DDX42: variants seen among roughly 807,000 people sequenced by gnomAD.
The protein encoded by DDX42 is DEAD-box helicase 42, also known as ATP-dependent RNA helicase DDX42.
DDX42 carries 22 observed loss-of-function variants against 101.5 expected under a neutral mutation model. That is an observed-to-expected ratio of 0.22 (90% confidence interval 0.15 to 0.31). The LOEUF (loss-of-function observed/expected upper bound fraction) is 0.31. Ranked by LOEUF, DDX42 falls within the 10% of genes least tolerant of loss-of-function variation. The pLI, the probability that DDX42 is intolerant of heterozygous loss-of-function variation, is 1.00. For synonymous variants in DDX42, 402 were observed against 401.2 expected, an observed-to-expected ratio of 1.00 and a Z score of -0.02; for missense variants, 849 against 1,199.9, an observed-to-expected ratio of 0.71 and a Z score of 4.32.
chr17:63,787,864 G>GAAACATAA (rs975153167), intron 2 of DDX42, among the ~76,000 whole-genome samples: 4 of 149,910 alleles, frequency 2.7e-5, no homozygotes, highest in African/African-American at 9.8e-5. Flanking sequence ...AAAAGCCATT[G>GAAACATAA]AAACATAAAT....
At chr17:63,804,977 G>T (rs1189059342) in intron 6 of DDX42, 94 bp from the exon 7 acceptor site, 6 of 1,452,886 alleles carry the variant, frequency 4.1e-6, no homozygotes, top group East Asian at 2.5e-5. Context: ...GGCTTTACTT[G>T]TGTAAAATTT....
intron 3 of DDX42, among the ~76,000 whole-genome samples, chr17:63,796,914 A>G (rs1395596536): frequency 1.3e-5 from 2 of 152,224 alleles, no homozygotes; most frequent in African/African-American, 4.8e-5. Context: ...ATCATGCCAC[A>G]GTATATATAG....
At chr17:63,807,584 A>G in intron 8 of DDX42, 140 bp from the exon 9 acceptor site, 1 of 657,968 alleles carries the variant, frequency 1.5e-6, no homozygotes, top group South Asian at 2.3e-5. Flanking sequence ...TCTATTTCAC[A>G]ACCAGTATGC....
intron 1 of DDX42, among the ~76,000 whole-genome samples, chr17:63,783,074 A>T (rs1314839531): frequency 3.3e-5 from 5 of 152,162 alleles, no homozygotes; most frequent in Non-Finnish European, 7.3e-5. Context: ...TTCAAAATTT[A>T]ACATGTCATC....
intron 14 of DDX42, among the ~76,000 whole-genome samples, chr17:63,812,886 G>A (rs1422997934): frequency 1.3e-5 from 2 of 152,146 alleles, no homozygotes; most frequent in East Asian, 1.9e-4. Context: ...TTAGCTGGGT[G>A]TGGTGGCGCG....
chr17:63,799,676 T>C, intron 5 of DDX42, 51 bp downstream of exon 5: 1 of 1,574,234 alleles, frequency 6.4e-7, no homozygotes, highest in Non-Finnish European at 8.7e-7. Context: ...ACAAAGTCTA[T>C]ACTGGGGACA....
At chr17:63,815,427 T>C (rs868604318) in intron 15 of DDX42, 136 bp from the exon 16 acceptor site, 1 of 562,046 alleles carries the variant, frequency 1.8e-6, no homozygotes, top group Non-Finnish European at 3.1e-6. Context: ...CCTGTGAAAA[T>C]TCCTCCCTTA....
intron 16 of DDX42, 72 bp downstream of exon 16, chr17:63,815,745 A>C: frequency 1.9e-3 from 1,964 of 1,056,530 alleles, no homozygotes; most frequent in Non-Finnish European, 2.4e-3. Flanking sequence ...GAATATTCTC[A>C]TCTACCCAGG....
chr17:63,781,002 G>A (rs1336488891), intron 1 of DDX42, among the ~76,000 whole-genome samples: 2 of 151,980 alleles, frequency 1.3e-5, no homozygotes, highest in Non-Finnish European at 2.9e-5. Context: ...ACATGCCTAT[G>A]TTTCTTTAAA....
At chr17:63,815,722 T>A in intron 16 of DDX42, 49 bp downstream of exon 16, 1 of 1,306,216 alleles carries the variant, frequency 7.7e-7, no homozygotes. Context: ...TCTCATGTCC[T>A]GAAAGTCATT....
chr17:63,814,951 G>A (rs1336493991), intron 15 of DDX42, among the ~76,000 whole-genome samples: 4 of 152,176 alleles, frequency 2.6e-5, no homozygotes, highest in Non-Finnish European at 5.9e-5. Flanking sequence ...GGCCTCCAGA[G>A]TGCTGGGATT....
At chr17:63,799,900 T>C (rs1455777656) in intron 5 of DDX42, among the ~76,000 whole-genome samples, 1 of 152,220 alleles carries the variant, frequency 6.6e-6, no homozygotes, top group African/African-American at 2.4e-5. Flanking sequence ...AAAATTAATG[T>C]TTATTCTGAT....
Position 63,787,110 on chromosome 17 carries a change from A to C in DDX42, c.61A>C (p.Ile21Leu), listed in dbSNP as rs1474323374. The C allele has an allele frequency of 1.2e-6, 2 of 1,614,126 alleles. No homozygotes were observed. Among genetic ancestry groups the C allele is most frequent in the Non-Finnish European group, 1.7e-6 (2 of 1,180,062 alleles). The change falls in exon 2 of 18, where the codon ATC becomes CTC. Residue 21 changes from isoleucine to leucine, a missense_variant. This residue lies in a region of DDX42 where 92 missense variants were observed against 106.7 expected (regional missense o/e 0.86). Transcript: ENST00000389924. ...AGGATTTGGCTTTGGAGGTTTTGCCATCAGTGCTGGGAAAAAGGAGGAACC... is the reference window on the plus strand; with the variant it reads ...AGGATTTGGCTTTGGAGGTTTTGCCCTCAGTGCTGGGAAAAAGGAGGAACC... ...KRGFGFGGFA[I>L]SAGKKEEPKL...
chr17:63,792,524 G>A lies in DDX42; in HGVS notation c.334G>A (p.Asp112Asn). ...TTCCAAGCCAGTAGATTCTGACAGCGATGATGATCCCTTGGAGGCATTCAT... is the reference window on the plus strand; with the variant it reads ...TTCCAAGCCAGTAGATTCTGACAGCAATGATGATCCCTTGGAGGCATTCAT... ...FHSKPVDSDS[D>N]DDPLEAFMAE... The change falls in exon 3 of 18, where the codon GAT (aspartate) becomes AAT (asparagine). Residue 112 changes from aspartate (D) to asparagine (N), a missense_variant. Transcript: ENST00000389924. 6.2e-7 allele frequency: 1 copy of A among 1,613,670 alleles called. No homozygotes were observed. The highest frequency in any genetic ancestry group is 8.5e-7 in the Non-Finnish European group (1 of 1,179,796).
intron 9 of DDX42, among the ~76,000 whole-genome samples, chr17:63,808,557 G>A (rs2665823): frequency 0.7 from 105,747 of 152,040 alleles, 38,054 homozygotes; most frequent in African/African-American, 0.9. Context: ...TGTAGGATGA[G>A]TTCATTTTAT....
intron 2 of DDX42, among the ~76,000 whole-genome samples, chr17:63,791,499 C>T (rs1377916357): frequency 3.9e-5 from 6 of 151,972 alleles, no homozygotes; most frequent in African/African-American, 1.4e-4. Context: ...TTAGTAGACA[C>T]AGGGTTTCAC....
In DDX42 at chr17:63,774,454, C is replaced by A. The variant is rs1332863596; in HGVS notation, c.-17+78C>A. On this transcript the variant is annotated intron_variant, in intron 1 of 17. Transcript: ENST00000389924. ...AGGCAACTGCTGGGCCTAGCGAGGG[C>A]GGAGGAACCGCGGCCTCGCTTAACA... 4 of 204,960 alleles carry A rather than the reference C, an allele frequency of 2.0e-5. 1 individual carries two copies. The highest frequency in any genetic ancestry group is 3.9e-5 in the Non-Finnish European group (4 of 102,486). The allele number at this position is 204,960 out of a possible 1,614,324, so 12.7% of individuals were successfully genotyped here.
chr17:63,775,331 C>A (rs1211202472), intron 1 of DDX42, among the ~76,000 whole-genome samples: 1 of 151,938 alleles, frequency 6.6e-6, no homozygotes, highest in Non-Finnish European at 1.5e-5. Context: ...TATTCTCTAG[C>A]GCCGTTCTAG....
intron 1 of DDX42, among the ~76,000 whole-genome samples, chr17:63,784,583 C>A (rs1377477911): frequency 6.6e-6 from 1 of 152,094 alleles, no homozygotes; most frequent in East Asian, 1.9e-4. Flanking sequence ...GATTTCGAGA[C>A]CAGCCTAGGC....
Sources: allele counts gnomAD v4.1 joint callset (sites outside exome capture counted in the v4.1 genomes callset), GRCh38; gene constraint gnomAD v4.1.1; regional missense constraint gnomAD v4.1.1; transcripts MANE v1.5; gene names NCBI Gene and HGNC (gene_info 2026-07-23, HGNC 2026-07-21).